SPTSSB: variants seen among roughly 807,000 people sequenced by gnomAD.
The protein encoded by SPTSSB is serine palmitoyltransferase small subunit B.
In SPTSSB, 6 loss-of-function variants were observed where a neutral mutation model predicts 7.7. The observed-to-expected ratio is 0.78, with a 90% CI of 0.43 to 1.54. SPTSSB has a LOEUF of 1.54. Ranked by LOEUF, SPTSSB falls within the 40% of genes most tolerant of loss-of-function variation. SPTSSB has a pLI of 0.01. For missense variants in SPTSSB, 91 were observed against 93.0 expected (o/e 0.98, Z 0.09); for synonymous variants, 28 against 29.7 (o/e 0.94, Z 0.19).
At chr3:161,369,328 CTT>C (rs1205523071) in intron 1 of SPTSSB, among the ~76,000 whole-genome samples, 1 of 60,144 alleles carries the variant, frequency 1.7e-5, no homozygotes, top group African/African-American at 7.9e-5. Flanking sequence ...TTCTTTCTTT[CTT>C]TCTTTCTTTC....
At chr3:161,356,381 T>A (rs336565) in intron 2 of SPTSSB, among the ~76,000 whole-genome samples, 1 of 152,116 alleles carries the variant, frequency 6.6e-6, no homozygotes, top group African/African-American at 2.4e-5. Context: ...ATTTTATGAA[T>A]CTTCAGCAAC....
intron 1 of SPTSSB, among the ~76,000 whole-genome samples, chr3:161,368,466 G>A (rs1319744032): frequency 1.4e-5 from 2 of 143,564 alleles, no homozygotes; most frequent in Admixed American, 1.4e-4. Flanking sequence ...TCGCTCTGTC[G>A]CCCAGGCTGG....
chr3:161,365,341 A>G (rs1576902596), intron 1 of SPTSSB, among the ~76,000 whole-genome samples: 1 of 152,208 alleles, frequency 6.6e-6, no homozygotes, highest in Non-Finnish European at 1.5e-5. Context: ...GCTGCTTTCT[A>G]GAGAAGAGGA....
At chr3:161,364,963 A>G (rs1310131766) in intron 1 of SPTSSB, among the ~76,000 whole-genome samples, 3 of 151,978 alleles carry the variant, frequency 2.0e-5, no homozygotes, top group Admixed American at 6.6e-5. Context: ...TAATATTTTT[A>G]TAGATATTGA....
intron 2 of SPTSSB, among the ~76,000 whole-genome samples, chr3:161,350,895 T>A (rs770538587): frequency 3.9e-5 from 6 of 152,136 alleles, no homozygotes; most frequent in Non-Finnish European, 7.4e-5. Context: ...CATGATATGA[T>A]GTCAAAAAAG....
At chr3:161,353,332 A>G (rs1714628709) in intron 2 of SPTSSB, among the ~76,000 whole-genome samples, 1 of 152,260 alleles carries the variant, frequency 6.6e-6, no homozygotes, top group Admixed American at 6.5e-5. Context: ...TTTGTGGAAT[A>G]TAACAGTTAC....
At position 161,346,301 on chromosome 3, in the gene SPTSSB, T is replaced by G. The variant is rs1560101539; in HGVS notation, c.23A>C (p.Glu8Ala). 2 of 1,612,998 alleles carry G rather than the reference T, an allele frequency of 1.2e-6. No homozygotes were observed. Among genetic ancestry groups the G allele is most frequent in the Non-Finnish European group, 1.7e-6 (2 of 1,179,072 alleles). The change falls in exon 3 of 3, where the codon GAA becomes GCA. Residue 8 changes from glutamate to alanine, a missense_variant. By Grantham distance (107) the Glu-to-Ala change is moderately radical. Transcript: ENST00000620149. MDLRRVK[E>A]YFSWLYYQYQ... is the part of the protein sequence containing the mutation. The stretch of plus-strand genomic sequence containing the variant: ...TTGATAGTAGAGCCAGGAGAAATAT[T>G]CCTTCACACGCCTCAAATCCATGGT...
intron 1 of SPTSSB, among the ~76,000 whole-genome samples, chr3:161,366,595 T>C (rs1715229340): frequency 6.6e-6 from 1 of 152,200 alleles, no homozygotes; most frequent in South Asian, 2.1e-4. Flanking sequence ...CTGATCTCAC[T>C]ATTTAAAATT....
intron 1 of SPTSSB, among the ~76,000 whole-genome samples, chr3:161,371,006 G>T (rs191332740): frequency 7.7e-4 from 118 of 152,300 alleles, no homozygotes; most frequent in Admixed American, 2.2e-3. Flanking sequence ...CAGGTGACTT[G>T]TGTGTACTAT....
intron 2 of SPTSSB, among the ~76,000 whole-genome samples, chr3:161,347,768 G>A (rs937081195): frequency 6.6e-6 from 1 of 152,030 alleles, no homozygotes; most frequent in Non-Finnish European, 1.5e-5. Flanking sequence ...AGCCGCTGGG[G>A]AGGCTGAGGC....
chr3:161,357,057 G>A (rs186655516), intron 2 of SPTSSB, among the ~76,000 whole-genome samples: 4 of 152,228 alleles, frequency 2.6e-5, no homozygotes, highest in East Asian at 3.9e-4. Context: ...ATAGAGACAC[G>A]CATAGCGTTG....
At chr3:161,362,017 A>G (rs1553803935) in intron 1 of SPTSSB, among the ~76,000 whole-genome samples, 1 of 151,890 alleles carries the variant, frequency 6.6e-6, no homozygotes, top group Non-Finnish European at 1.5e-5. Context: ...TGATTGATTT[A>G]TTTTTTCTTT....
At chr3:161,356,034 CAAAT>C (rs1203213972) in intron 2 of SPTSSB, among the ~76,000 whole-genome samples, 6 of 152,148 alleles carry the variant, frequency 3.9e-5, no homozygotes, top group African/African-American at 9.6e-5. Flanking sequence ...GCTGAGTAAA[CAAAT>C]AACCCCAAAG....
At chr3:161,352,280 A>G (rs1353070252) in intron 2 of SPTSSB, among the ~76,000 whole-genome samples, 2 of 152,104 alleles carry the variant, frequency 1.3e-5, no homozygotes, top group African/African-American at 2.4e-5. Flanking sequence ...TAAAGCTTCT[A>G]TGTTTTCATT....
At position 161,356,077 on chromosome 3, in the gene SPTSSB, A is replaced by G. The variant is rs114990378; in HGVS notation, c.-33+3725T>C. Among the ~76,000 whole-genome samples, 1,491 of 152,280 alleles carry G rather than the reference A, an allele frequency of 9.8e-3. 30 individuals are homozygous for G. The highest frequency in any genetic ancestry group is 0.034 in the African/African-American group (1,424 of 41,566). On this transcript the variant is annotated intron_variant, in intron 2 of 2. Coordinates refer to ENST00000620149, the MANE Select transcript of SPTSSB (RefSeq NM_001040100.2). ...TTCAAATAATAATTGTGAGGTCCCA[A>G]TTGGGGTTCCCTTCTTGGTTGTCAA...
At chr3:161,367,827 T>C (rs990544818) in intron 1 of SPTSSB, among the ~76,000 whole-genome samples, 5 of 152,146 alleles carry the variant, frequency 3.3e-5, no homozygotes, top group African/African-American at 1.2e-4. Context: ...TTGGCTGAGA[T>C]CCAGGTACCT....
At chr3:161,370,150 G>C (rs930716829) in intron 1 of SPTSSB, among the ~76,000 whole-genome samples, 1 of 152,070 alleles carries the variant, frequency 6.6e-6, no homozygotes, top group African/African-American at 2.4e-5. Context: ...AGATAGAATT[G>C]CTGTACAATT....
intron 1 of SPTSSB, among the ~76,000 whole-genome samples, chr3:161,369,352 C>CTTTCTTT: frequency 2.0e-5 from 1 of 50,776 alleles, no homozygotes; most frequent in South Asian, 7.5e-4. Flanking sequence ...TTCTTTCTTT[C>CTTTCTTT]TCTTTCTTTC....
chr3:161,369,479 A>G (rs188571974), intron 1 of SPTSSB, among the ~76,000 whole-genome samples: 320 of 140,854 alleles, frequency 2.3e-3, no homozygotes, highest in African/African-American at 8.0e-3. Context: ...CATTTCCCCA[A>G]CCACTAATGG....
Sources: gnomAD v4.1 joint callset for allele counts (sites outside exome capture counted in the v4.1 genomes callset) on GRCh38, gnomAD v4.1.1 for gene constraint, MANE v1.5 for transcripts, NCBI Gene and HGNC (gene_info 2026-07-23, HGNC 2026-07-21) for gene names.